Variants in SYT9 observed in about 807,000 individuals in gnomAD.
SYT9 encodes synaptotagmin 9, also known as synaptotagmin-9.
Under a neutral mutation model 48.4 loss-of-function variants are expected in SYT9, and 22 were observed. The ratio of observed to expected loss-of-function variants is 0.45; its 90% confidence interval spans 0.32 to 0.65. The LOEUF is 0.65. SYT9 is among the 30% of genes least tolerant of loss of function. The pLI is 0.03. For missense variants in SYT9, 577 were observed against 622.0 expected, an observed-to-expected ratio of 0.93 and a Z score of 0.77; for synonymous variants, 265 against 245.0, an observed-to-expected ratio of 1.08 and a Z score of -0.76.
rs1172023426 is a variant in SYT9, at chr11:7,313,790, T to C, written c.893T>C (p.Leu298Pro). ...TTATTTCCGGTTCCCTACAATGACC[T>C]TGAAGCACGGAAGCTTCACTTCTCT... ...VFLFPVPYNDLEARKLHFSVY... is the reference protein window; with the variant it reads ...VFLFPVPYNDPEARKLHFSVY... The change falls in exon 3 of 7, where the codon CTT becomes CCT. Residue 298 changes from leucine to proline, a missense_variant. Transcript: ENST00000318881. 4 of 1,614,090 alleles carry C rather than the reference T, an allele frequency of 2.5e-6. No individual in the cohort carries two copies. Among genetic ancestry groups the C allele is most frequent in the Non-Finnish European group, 1.7e-6 (2 of 1,180,032 alleles).
At chr11:7,268,655 C>T (rs1021085703) in intron 1 of SYT9, among the ~76,000 whole-genome samples, 9 of 152,000 alleles carry the variant, frequency 5.9e-5, no homozygotes, top group Middle Eastern at 3.4e-3. Flanking sequence ...TAACTTTTGA[C>T]GATGTATGCA....
chr11:7,274,298 A>G lies in SYT9; in HGVS notation c.145+21967A>G, dbSNP rs1589904486. 2.1e-5 allele frequency among the ~76,000 whole-genome samples: 3 copies of G among 145,342 alleles called. No homozygotes were observed. The South Asian group carries it at 6.7e-4, about 32-fold the overall frequency. On this transcript the variant is annotated intron_variant, in intron 1 of 6. Coordinates refer to ENST00000318881, the MANE Select transcript of SYT9 (RefSeq NM_175733.4). ...AGTCATGATTCTACACTCTTTCCTT[A>G]TATCTGTGTGAAGTTCATCTTTTTT...
At chr11:7,421,215 C>T (rs1476067288) in intron 6 of SYT9, among the ~76,000 whole-genome samples, 1 of 152,134 alleles carries the variant, frequency 6.6e-6, no homozygotes, top group Non-Finnish European at 1.5e-5. Flanking sequence ...AACAAGAGAC[C>T]TAGACTTCTG....
intron 6 of SYT9, among the ~76,000 whole-genome samples, chr11:7,465,013 G>A (rs928097035): frequency 2.0e-5 from 3 of 151,822 alleles, no homozygotes; most frequent in South Asian, 4.2e-4. Context: ...GCATGAACCC[G>A]GGAGGTGGAG....
Position 7,418,714 on chromosome 11 carries a change from T to A in SYT9, c.1337+586T>A, listed in dbSNP as rs115630135. ...AAAATGTATAAGATGCTCAACTTTTTAATTAATACAGCACAGAAGAGATAT... is the reference window on the plus strand; with the variant it reads ...AAAATGTATAAGATGCTCAACTTTTAAATTAATACAGCACAGAAGAGATAT... On this transcript the variant is annotated intron_variant, in intron 5 of 6. Transcript: ENST00000318881. Among the ~76,000 whole-genome samples the A allele has an allele frequency of 1.0e-2, 1,523 of 152,362 alleles. 26 individuals are homozygous for A. The highest frequency in any genetic ancestry group is 0.035 in the African/African-American group (1,451 of 41,584).
chr11:7,303,155 C>A lies in SYT9; in HGVS notation c.262C>A (p.Pro88Thr). Residue 88 changes from proline to threonine, a missense_variant, in exon 2 of 7, where the codon CCC becomes ACC. Transcript: ENST00000318881. ...CWVPWRERGL[P>T]SGSKDNNQEP... ...GGTTCCGTGGCGAGAACGAGGCCTG[C>A]CCTCTGGTAGCAAAGACAACAACCA... is the stretch of plus-strand genomic sequence containing the variant. The A allele has an allele frequency of 3.1e-6, 5 of 1,614,162 alleles. No individual in the cohort carries two copies. The highest frequency in any genetic ancestry group is 4.2e-6 in the Non-Finnish European group (5 of 1,180,034).
intron 2 of SYT9, among the ~76,000 whole-genome samples, chr11:7,309,479 C>T (rs1335624745): frequency 6.6e-6 from 1 of 152,150 alleles, no homozygotes; most frequent in Admixed American, 6.5e-5. Context: ...TGTCATTGTC[C>T]TTGTCAGTCA....
intron 1 of SYT9, among the ~76,000 whole-genome samples, chr11:7,265,528 C>CT (rs1217854646): frequency 6.6e-6 from 1 of 152,166 alleles, no homozygotes; most frequent in Non-Finnish European, 1.5e-5. Context: ...ATGACATGCA[C>CT]TTACGGCCTT....
At chr11:7,365,599 A>C (rs1399095004) in intron 3 of SYT9, among the ~76,000 whole-genome samples, 1 of 152,164 alleles carries the variant, frequency 6.6e-6, no homozygotes, top group African/African-American at 2.4e-5. Flanking sequence ...TATAGGTGAC[A>C]ATTTTTAAAA....
chr11:7,453,151 G>T (rs75082050), intron 6 of SYT9, among the ~76,000 whole-genome samples: 12,536 of 152,010 alleles, frequency 0.082, 741 homozygotes, highest in Non-Finnish European at 0.13. Flanking sequence ...AGCACTTTGG[G>T]TGCCTAAGGC....
intron 6 of SYT9, chr11:7,457,735 T>C (rs1052120553): frequency 2.0e-5 from 3 of 152,178 alleles, no homozygotes; most frequent in East Asian, 3.9e-4. Context: ...TCATCTCAGA[T>C]GGATTTGCAG....
intron 3 of SYT9, among the ~76,000 whole-genome samples, chr11:7,371,947 A>C (rs1041985948): frequency 2.6e-5 from 4 of 152,176 alleles, no homozygotes; most frequent in African/African-American, 9.7e-5. Flanking sequence ...TTTTCTTGCT[A>C]ATATGAATAC....
intron 3 of SYT9, among the ~76,000 whole-genome samples, chr11:7,315,144 A>G (rs144631470): frequency 1.3e-3 from 202 of 152,354 alleles, no homozygotes; most frequent in African/African-American, 4.7e-3. Context: ...AAAGAAAGAA[A>G]GGAGTTGGAG....
chr11:7,358,388 G>T (rs897868052), intron 3 of SYT9, among the ~76,000 whole-genome samples: 13 of 152,014 alleles, frequency 8.6e-5, no homozygotes, highest in African/African-American at 2.7e-4. Flanking sequence ...TTCTCATAAC[G>T]ATTGTCATTT....
intron 1 of SYT9, among the ~76,000 whole-genome samples, chr11:7,275,939 A>G (rs566581975): frequency 6.6e-6 from 1 of 152,134 alleles, no homozygotes; most frequent in Non-Finnish European, 1.5e-5. Context: ...CTGAATCTAT[A>G]TAATATTTGT....
chr11:7,431,707 C>T (rs1452636593), intron 6 of SYT9, among the ~76,000 whole-genome samples: 3 of 152,264 alleles, frequency 2.0e-5, no homozygotes, highest in Non-Finnish European at 2.9e-5. Context: ...CACATCCCTA[C>T]TGCTCCAGCT....
rs35065184 is a variant in SYT9 at position 7,362,949 on chromosome 11, C to CTTTT, written c.1044+49033_1044+49036dup. Among the ~76,000 whole-genome samples, 23 of 17,914 alleles carry CTTTT rather than the reference C, an allele frequency of 1.3e-3. 4 individuals carry two copies. Among genetic ancestry groups the CTTTT allele is most frequent in the African/African-American group, 3.8e-3 (21 of 5,586 alleles). The allele number at this position is 17,914 out of a possible 152,430, so 11.8% of individuals were successfully genotyped here. A position where few individuals can be genotyped will look rare whatever the true frequency, so the allele number is the denominator to read the frequency against. On this transcript the variant is annotated intron_variant, in intron 3 of 6. Coordinates refer to ENST00000318881, the MANE Select transcript of SYT9 (RefSeq NM_175733.4). Reference sequence around the variant, plus strand: ...ATCTTTCTTCTTGCCATTTATTGGCCTTTTTTTTTTTTTTTTTTTTTTTTT... The same window carrying CTTTT: ...ATCTTTCTTCTTGCCATTTATTGGCCTTTTTTTTTTTTTTTTTTTTTTTTTTTTT...
chr11:7,296,091 T>C (rs1389598822), intron 1 of SYT9, among the ~76,000 whole-genome samples: 1 of 152,158 alleles, frequency 6.6e-6, no homozygotes, highest in African/African-American at 2.4e-5. Flanking sequence ...AATCCTGAGA[T>C]ACCTCATGAA....
intron 3 of SYT9, among the ~76,000 whole-genome samples, chr11:7,413,284 C>T (rs1847174989): frequency 6.6e-6 from 1 of 152,190 alleles, no homozygotes; most frequent in Admixed American, 6.5e-5. Context: ...TCCTCCCTGG[C>T]CTGGTGGTAG....
Sources: allele counts gnomAD v4.1 joint callset (sites outside exome capture counted in the v4.1 genomes callset), GRCh38; gene constraint gnomAD v4.1.1; transcripts MANE v1.5; gene names NCBI Gene and HGNC (gene_info 2026-07-23, HGNC 2026-07-21).